Variants in STK39 observed in about 807,000 individuals in gnomAD.
The protein encoded by STK39 is serine/threonine kinase 39.
Under a neutral mutation model 77.8 loss-of-function variants are expected in STK39, and 20 were observed. That is an observed-to-expected ratio of 0.26 (90% CI 0.18 to 0.37). The LOEUF (loss-of-function observed/expected upper bound fraction) is 0.37. Ranked by LOEUF, STK39 falls within the 10% of genes least tolerant of loss-of-function variation. The pLI is 1.00. For missense variants in STK39, 479 were observed against 656.5 expected, an observed-to-expected ratio of 0.73 and a Z score of 2.95; for synonymous variants, 246 against 234.1, an observed-to-expected ratio of 1.05 and a Z score of -0.47.
intron 10 of STK39, among the ~76,000 whole-genome samples, chr2:168,127,113 C>T (rs1687563055): frequency 6.6e-6 from 1 of 152,134 alleles, no homozygotes; most frequent in Non-Finnish European, 1.5e-5. Flanking sequence ...GTTTGGAATG[C>T]ACAGCACACT....
intron 10 of STK39, among the ~76,000 whole-genome samples, chr2:168,106,117 C>A (rs928605295): frequency 6.6e-6 from 1 of 152,216 alleles, no homozygotes. Context: ...TGCGCACCAC[C>A]ATGCGCAGCT....
intron 10 of STK39, among the ~76,000 whole-genome samples, chr2:168,119,089 G>T (rs982569782): frequency 5.9e-5 from 9 of 152,154 alleles, no homozygotes; most frequent in African/African-American, 2.2e-4. Flanking sequence ...CTGTGAGCAT[G>T]TGAGTTCCTC....
At chr2:168,167,106 G>A (rs1276906804) in intron 3 of STK39, among the ~76,000 whole-genome samples, 193 bp downstream of exon 3, 1 of 152,130 alleles carries the variant, frequency 6.6e-6, no homozygotes, top group Non-Finnish European at 1.5e-5. Context: ...ATTCTCGGAA[G>A]TTAAGCAAAA....
At chr2:168,128,416 A>T (rs1687599478) in intron 10 of STK39, among the ~76,000 whole-genome samples, 1 of 152,088 alleles carries the variant, frequency 6.6e-6, no homozygotes, top group African/African-American at 2.4e-5. Flanking sequence ...TCCCCTTCAG[A>T]TATTCCACTC....
chr2:168,132,127 A>G (rs2105511860), intron 8 of STK39, among the ~76,000 whole-genome samples: 1 of 152,360 alleles, frequency 6.6e-6, no homozygotes, highest in South Asian at 2.1e-4. Flanking sequence ...ATGGACCAAA[A>G]TGTCATGTTT....
At chr2:167,988,166 G>A (rs1271864646) in intron 16 of STK39, among the ~76,000 whole-genome samples, 3 of 152,150 alleles carry the variant, frequency 2.0e-5, no homozygotes, top group African/African-American at 7.2e-5. Context: ...TGCTTTTAAG[G>A]CAGGTACTTA....
At chr2:168,232,697 G>A (rs998650246) in intron 1 of STK39, among the ~76,000 whole-genome samples, 1 of 152,100 alleles carries the variant, frequency 6.6e-6, no homozygotes, top group African/African-American at 2.4e-5. Flanking sequence ...CAAATCACGA[G>A]GTCAGGAGTT....
At chr2:167,955,819 A>G (rs1418245425) in intron 17 of STK39, among the ~76,000 whole-genome samples, 4 of 152,226 alleles carry the variant, frequency 2.6e-5, no homozygotes, top group Non-Finnish European at 5.9e-5. Context: ...CCATTAAAAT[A>G]CCATGCCCAG....
At chr2:168,223,369 G>A (rs568963015) in intron 1 of STK39, among the ~76,000 whole-genome samples, 10 of 152,000 alleles carry the variant, frequency 6.6e-5, no homozygotes, top group South Asian at 2.1e-4. Flanking sequence ...AAAATTAGCC[G>A]GGTGTGGTGG....
intron 14 of STK39, among the ~76,000 whole-genome samples, chr2:168,041,099 G>A (rs1685092944): frequency 6.6e-6 from 1 of 152,108 alleles, no homozygotes; most frequent in South Asian, 2.1e-4. Context: ...AGAAGATCAT[G>A]GGATCTGACC....
At chr2:168,144,235 G>A (rs929060865) in intron 5 of STK39, among the ~76,000 whole-genome samples, 8 of 152,150 alleles carry the variant, frequency 5.3e-5, no homozygotes, top group South Asian at 2.1e-4. Context: ...TTACCCAACT[G>A]TATGACTCCC....
chr2:168,071,636 C>A lies in STK39; in HGVS notation c.1242+3346G>T, dbSNP rs113506431. Reference sequence around the variant, plus strand: ...GTGGCTCACGCTTGTAATCCCAGCACTTCTGGAGGCCGAGGCTGGCAGATC... The same window carrying A: ...GTGGCTCACGCTTGTAATCCCAGCAATTCTGGAGGCCGAGGCTGGCAGATC... On this transcript the variant is annotated intron_variant, in intron 12 of 17. Coordinates refer to ENST00000355999, the MANE Select transcript of STK39 (RefSeq NM_013233.3). Among the ~76,000 whole-genome samples the A allele has an allele frequency of 9.5e-4, 145 of 152,216 alleles. 1 individual carries two copies. Among genetic ancestry groups the A allele is most frequent in the African/African-American group, 3.4e-3 (140 of 41,522 alleles).
intron 1 of STK39, among the ~76,000 whole-genome samples, chr2:168,185,761 C>T (rs1399713499): frequency 2.0e-5 from 3 of 152,192 alleles, no homozygotes; most frequent in Admixed American, 6.5e-5. Flanking sequence ...CACACAATAA[C>T]TTCCTCTTTG....
chr2:168,141,301 T>C (rs1370401901), intron 5 of STK39, among the ~76,000 whole-genome samples: 2 of 152,224 alleles, frequency 1.3e-5, no homozygotes, highest in East Asian at 3.8e-4. Context: ...TTTTTCTCAT[T>C]TTAAAATACT....
At chr2:168,198,986 T>C (rs1437803414) in intron 1 of STK39, among the ~76,000 whole-genome samples, 1 of 152,230 alleles carries the variant, frequency 6.6e-6, no homozygotes, top group Non-Finnish European at 1.5e-5. Flanking sequence ...AAAAGTTTCA[T>C]ATGCTTATGC....
chr2:168,199,247 C>G (rs972231154), intron 1 of STK39, among the ~76,000 whole-genome samples: 1 of 152,224 alleles, frequency 6.6e-6, no homozygotes, highest in African/African-American at 2.4e-5. Context: ...TGAAAACTCT[C>G]AAACAGCCCT....
chr2:168,169,500 C>T (rs905753521), intron 2 of STK39, among the ~76,000 whole-genome samples: 2 of 152,132 alleles, frequency 1.3e-5, no homozygotes, highest in African/African-American at 4.8e-5. Flanking sequence ...AATGGTCATA[C>T]AAAAGGAAAT....
intron 1 of STK39, among the ~76,000 whole-genome samples, chr2:168,182,869 T>C (rs1352443346): frequency 6.6e-6 from 1 of 152,132 alleles, no homozygotes; most frequent in Non-Finnish European, 1.5e-5. Context: ...ACACCAAAAC[T>C]GCCATTCTCA....
chr2:168,013,612 C>G (rs975218868), intron 15 of STK39, among the ~76,000 whole-genome samples: 3 of 152,190 alleles, frequency 2.0e-5, no homozygotes, highest in Admixed American at 6.5e-5. Context: ...GGCTGTAACA[C>G]TCTAGACGGG....
Sources: gnomAD v4.1 joint callset for allele counts (sites outside exome capture counted in the v4.1 genomes callset) on GRCh38, gnomAD v4.1.1 for gene constraint, MANE v1.5 for transcripts, NCBI Gene and HGNC (gene_info 2026-07-23, HGNC 2026-07-21) for gene names.